Variants in VAV2 observed in about 807,000 individuals in gnomAD.
The protein encoded by VAV2 is guanine nucleotide exchange factor VAV2.
VAV2 carries 67 observed loss-of-function variants against 132.5 expected under a neutral mutation model. The ratio of observed to expected loss-of-function variants is 0.51; its 90% CI spans 0.42 to 0.62. VAV2 has a LOEUF of 0.62. Ranked by LOEUF, VAV2 falls within the 20% of genes least tolerant of loss-of-function variation. The probability of loss-of-function intolerance (pLI) is 0.00; values close to 1 mark genes in which losing one functional copy is unlikely to be tolerated. For synonymous variants in VAV2, 492 were observed against 443.5 expected, an observed-to-expected ratio of 1.11 and a Z score of -1.37; for missense variants, 938 against 1,153.6, an observed-to-expected ratio of 0.81 and a Z score of 2.71.
At chr9:133,855,184 A>T (rs1257515586) in intron 3 of VAV2, among the ~76,000 whole-genome samples, 1 of 152,230 alleles carries the variant, frequency 6.6e-6, no homozygotes, top group Admixed American at 6.5e-5. Flanking sequence ...AGAGGCCGGG[A>T]CTCGTGGGGC....
intron 3 of VAV2, among the ~76,000 whole-genome samples, chr9:133,853,565 G>A (rs1171836888): frequency 6.6e-6 from 1 of 152,082 alleles, no homozygotes; most frequent in East Asian, 1.9e-4. Context: ...AGCGGGGCAG[G>A]GAACGGCCAA....
intron 2 of VAV2, among the ~76,000 whole-genome samples, chr9:133,876,443 T>G (rs1430783330): frequency 6.6e-6 from 1 of 152,144 alleles, no homozygotes; most frequent in East Asian, 1.9e-4. Flanking sequence ...CCCCTGGGAC[T>G]GAGGGAGAGC....
intron 1 of VAV2, among the ~76,000 whole-genome samples, chr9:133,953,467 C>T (rs569191837): frequency 6.6e-6 from 1 of 152,362 alleles, no homozygotes; most frequent in African/African-American, 2.4e-5. Flanking sequence ...CCCTGCACCC[C>T]GGCTCGGAGC....
In VAV2 at chr9:133,839,191, A is replaced by G. The variant is rs565434941; in HGVS notation, c.381-4851T>C. On this transcript the variant is annotated intron_variant, in intron 3 of 29. Coordinates refer to ENST00000371850, the MANE Select transcript of VAV2 (RefSeq NM_001134398.2). The stretch of plus-strand genomic sequence containing the variant: ...AGATGGGTGGGTGGGTAAGTAGGTA[A>G]GTGGAAGGATAGATAAATGGGTTGT... Among the ~76,000 whole-genome samples, 4 of 151,856 alleles carry G rather than the reference A, an allele frequency of 2.6e-5. No individual in the cohort carries two copies. In the South Asian group the frequency reaches 8.3e-4, roughly 32 times the overall value.
chr9:133,799,065 G>A (rs75006569), intron 9 of VAV2, among the ~76,000 whole-genome samples: 3 of 152,248 alleles, frequency 2.0e-5, no homozygotes, highest in Non-Finnish European at 4.4e-5. Flanking sequence ...TGGGCCTGTA[G>A]CCTGGCTTCT....
At chr9:133,985,945 G>C (rs1842845243) in intron 1 of VAV2, among the ~76,000 whole-genome samples, 1 of 152,036 alleles carries the variant, frequency 6.6e-6, no homozygotes, top group African/African-American at 2.4e-5. Flanking sequence ...GAATGAGGGA[G>C]GGAGAGAGGG....
chr9:133,773,099 C>G (rs1216608493), intron 25 of VAV2, among the ~76,000 whole-genome samples: 1 of 141,208 alleles, frequency 7.1e-6, no homozygotes, highest in Admixed American at 7.0e-5. Flanking sequence ...GGCTGGACGG[C>G]AGAGCCTACT....
rs142213425 is a variant in VAV2, at chr9:133,948,643, T to C, written c.205-9424A>G. Among the ~76,000 whole-genome samples, 602 of 152,350 alleles carry C rather than the reference T, an allele frequency of 4.0e-3. 2 individuals carry two copies. Among genetic ancestry groups the C allele is most frequent in the Non-Finnish European group, 6.7e-3 (454 of 68,032 alleles). ...GGCTGCAACAACAGCGTGTCTCGTTTCACTATTCTGTAAAGGTTTCCAGCA... is the reference window on the plus strand; with the variant it reads ...GGCTGCAACAACAGCGTGTCTCGTTCCACTATTCTGTAAAGGTTTCCAGCA... On this transcript the variant is annotated intron_variant, in intron 1 of 29. Transcript: ENST00000371850.
chr9:133,977,179 G>A (rs1257385423), intron 1 of VAV2, among the ~76,000 whole-genome samples: 3 of 152,244 alleles, frequency 2.0e-5, no homozygotes, highest in Non-Finnish European at 4.4e-5. Flanking sequence ...TTCAGGCAGA[G>A]TGAGGCCCCC....
At chr9:133,915,468 C>T (rs575952947) in intron 2 of VAV2, among the ~76,000 whole-genome samples, 10 of 152,310 alleles carry the variant, frequency 6.6e-5, no homozygotes, top group South Asian at 4.1e-4. Flanking sequence ...GAAAAAAATG[C>T]CGGACAAGGG....
chr9:133,912,224 G>A lies in VAV2; in HGVS notation c.321+26879C>T, dbSNP rs910288941. ...CACGTGGGAGAAGGGCTGACAACCAGGAGTGTTTTAGTACAAAACAGACAA... is the reference window on the plus strand; with the variant it reads ...CACGTGGGAGAAGGGCTGACAACCAAGAGTGTTTTAGTACAAAACAGACAA... On this transcript the variant is annotated intron_variant, in intron 2 of 29. Transcript: ENST00000371850. This position sits in a 1 kb window ranked among gnomAD's most constrained non-coding sequence, Gnocchi z 4.3. Among the ~76,000 whole-genome samples, 1 of 152,202 alleles carries A rather than the reference G, an allele frequency of 6.6e-6. No homozygotes were observed. The highest frequency in any genetic ancestry group is 2.4e-5 in the African/African-American group (1 of 41,446).
intron 20 of VAV2, among the ~76,000 whole-genome samples, chr9:133,780,420 G>A (rs1833966795): frequency 6.6e-6 from 1 of 152,226 alleles, no homozygotes; most frequent in African/African-American, 2.4e-5. Flanking sequence ...GAGGGCTGGT[G>A]CAGGTCCCAG....
chr9:133,988,805 C>T (rs1842932026), intron 1 of VAV2, among the ~76,000 whole-genome samples: 2 of 152,030 alleles, frequency 1.3e-5, no homozygotes, highest in African/African-American at 2.4e-5. Context: ...CTGTGGCTCA[C>T]GCCTGTAATC....
chr9:133,895,003 T>C (rs902502118), intron 2 of VAV2, among the ~76,000 whole-genome samples: 1 of 152,042 alleles, frequency 6.6e-6, no homozygotes, highest in Non-Finnish European at 1.5e-5. Flanking sequence ...GGGCAGGGGT[T>C]GATGTTCTGA....
chr9:133,785,143 A>T (rs947071084), intron 17 of VAV2, among the ~76,000 whole-genome samples: 2 of 152,046 alleles, frequency 1.3e-5, no homozygotes, highest in Non-Finnish European at 2.9e-5. Context: ...TCCTCCCAAA[A>T]AGGCCAGAAC....
In VAV2 at chr9:133,802,061, C is replaced by T. The variant is rs1213915370; in HGVS notation, c.836+4020G>A. ...CGTCCACACCACAGGACTCTGAGCA[C>T]CTGCCACATACCAGGCAGCATGGGC... On this transcript the variant is annotated intron_variant, in intron 9 of 29. Transcript: ENST00000371850. The surrounding 1 kb of genome is among the most constrained non-coding windows in gnomAD (Gnocchi z 5.8). Among the ~76,000 whole-genome samples the T allele has an allele frequency of 6.6e-6, 1 of 152,104 alleles. No homozygotes were observed. Among genetic ancestry groups the T allele is most frequent in the Non-Finnish European group, 1.5e-5 (1 of 68,000 alleles).
intron 9 of VAV2, 76 bp downstream of exon 9, chr9:133,806,005 A>C: frequency 4.1e-6 from 6 of 1,480,992 alleles, no homozygotes; most frequent in Non-Finnish European, 5.5e-6. Context: ...TCCCACTTAC[A>C]CAAGAGTTCC....
At chr9:133,959,019 G>A (rs1165500535) in intron 1 of VAV2, among the ~76,000 whole-genome samples, 1 of 147,836 alleles carries the variant, frequency 6.8e-6, no homozygotes, top group Admixed American at 6.8e-5. Flanking sequence ...CCGAGAAACA[G>A]CACAGGCCAC....
chr9:133,873,420 G>A lies in VAV2; in HGVS notation c.322-11988C>T, dbSNP rs537250000. The stretch of plus-strand genomic sequence containing the variant: ...ACACTCCCAGTCCCACTGTGCTCAC[G>A]GTGGAGTCACTAGCTGGTCACCATG... On this transcript the variant is annotated intron_variant, in intron 2 of 29. Transcript: ENST00000371850. 5.9e-5 allele frequency among the ~76,000 whole-genome samples: 9 copies of A among 152,302 alleles called. No individual in the cohort carries two copies. In the South Asian group the frequency reaches 8.3e-4, roughly 14 times the overall value.
Sources: gnomAD v4.1 joint callset for allele counts (sites outside exome capture counted in the v4.1 genomes callset) on GRCh38, gnomAD v4.1.1 for gene constraint, Gnocchi (gnomAD v3.1) non-coding constraint, MANE v1.5 for transcripts, NCBI Gene and HGNC (gene_info 2026-07-23, HGNC 2026-07-21) for gene names.